The following TBC1D22A variants were observed in gnomAD, a reference collection of about 807,000 sequenced individuals.
The protein encoded by TBC1D22A is TBC1 domain family member 22A, also known as putative GTPase activator.
TBC1D22A carries 38 observed loss-of-function variants against 60.2 expected under a neutral mutation model. The ratio of observed to expected loss-of-function variants is 0.63; its 90% CI spans 0.49 to 0.83. The LOEUF (loss-of-function observed/expected upper bound fraction) is 0.83, where lower values mean the gene tolerates loss of function less well. Among genes scored for constraint, TBC1D22A ranks in the 40% least tolerant of loss-of-function variants. The pLI is 0.00. For synonymous variants in TBC1D22A, 302 were observed against 281.7 expected (o/e 1.07, Z -0.72); for missense variants, 628 against 701.0 (o/e 0.90, Z 1.18).
intron 12 of TBC1D22A, among the ~76,000 whole-genome samples, chr22:47,144,261 C>T (rs969105447): frequency 2.2e-4 from 34 of 152,228 alleles, no homozygotes; most frequent in African/African-American, 7.2e-4. Flanking sequence ...TGAGGACCAG[C>T]GGGTTTCTAG....
intron 1 of TBC1D22A, among the ~76,000 whole-genome samples, chr22:46,787,000 T>G (rs1016336585): frequency 6.6e-5 from 10 of 152,326 alleles, no homozygotes; most frequent in Admixed American, 6.5e-4. Context: ...ATTCAGCCTC[T>G]TTCCATGTTA....
intron 8 of TBC1D22A, among the ~76,000 whole-genome samples, chr22:46,971,423 G>C (rs58655701): frequency 1.3e-5 from 2 of 152,188 alleles, no homozygotes; most frequent in African/African-American, 4.8e-5. Context: ...AGGATACGTC[G>C]ATGGGAAACT....
At chr22:47,021,118 C>T (rs140405986) in intron 10 of TBC1D22A, among the ~76,000 whole-genome samples, 177 of 152,136 alleles carry the variant, frequency 1.2e-3, no homozygotes, top group African/African-American at 4.1e-3. Flanking sequence ...CTTTGTGAAG[C>T]CCTGAGCAGG....
chr22:47,008,950 C>G (rs746813402), intron 10 of TBC1D22A, among the ~76,000 whole-genome samples: 2 of 152,110 alleles, frequency 1.3e-5, no homozygotes, highest in Non-Finnish European at 2.9e-5. Flanking sequence ...GGTTTGGGGA[C>G]TAGTTTGTGG....
intron 5 of TBC1D22A, among the ~76,000 whole-genome samples, chr22:46,884,133 T>C (rs950008196): frequency 2.5e-4 from 38 of 151,976 alleles, no homozygotes; most frequent in African/African-American, 8.9e-4. Flanking sequence ...AGACAAACAA[T>C]ACACCGAGAA....
intron 4 of TBC1D22A, among the ~76,000 whole-genome samples, chr22:46,863,792 G>A (rs1251154891): frequency 6.6e-6 from 1 of 152,134 alleles, no homozygotes; most frequent in Non-Finnish European, 1.5e-5. Context: ...AGCCCGGGTT[G>A]CACCTGCTTC....
At chr22:47,086,956 A>C (rs1029236116) in intron 11 of TBC1D22A, among the ~76,000 whole-genome samples, 2 of 152,216 alleles carry the variant, frequency 1.3e-5, no homozygotes, top group Admixed American at 1.3e-4. Flanking sequence ...ATCAATGTGA[A>C]ACTGGCTGAA....
intron 1 of TBC1D22A, among the ~76,000 whole-genome samples, chr22:46,766,053 A>G (rs2083275359): frequency 6.7e-6 from 1 of 149,570 alleles, no homozygotes; most frequent in African/African-American, 2.5e-5. Context: ...GCTGGAGTGC[A>G]GTGGTGCGAT....
rs57116517 is a variant in TBC1D22A, at chr22:46,904,142, T to TCTATCTATCTGCCTACCTACCTAC, written c.901-7929_901-7928insTCTATCTGCCTACCTACCTACCTA. ...ATCTATCTATCTATCTATCTATCTATCTACCTACCTACCTACCTACCTACC... is the reference window on the plus strand; with the variant it reads ...ATCTATCTATCTATCTATCTATCTATCTATCTATCTGCCTACCTACCTACCTACCTACCTACCTACCTACCTACC... On this transcript the variant is annotated intron_variant, in intron 7 of 12. Coordinates refer to ENST00000337137, the MANE Select transcript of TBC1D22A (RefSeq NM_014346.5). 4.3e-3 allele frequency among the ~76,000 whole-genome samples: 578 copies of TCTATCTATCTGCCTACCTACCTAC among 134,566 alleles called. 5 individuals carry two copies. The highest frequency in any genetic ancestry group is 7.6e-3 in the African/African-American group (256 of 33,880). 88.3% of individuals were successfully genotyped at this position (134,566 alleles called of 152,430 possible).
At chr22:47,007,301 C>T (rs552221520) in intron 10 of TBC1D22A, among the ~76,000 whole-genome samples, 4 of 152,300 alleles carry the variant, frequency 2.6e-5, no homozygotes, top group African/African-American at 9.6e-5. Context: ...AGGCACAGAA[C>T]ATGTGTCCTG....
chr22:46,913,419 T>G, intron 8 of TBC1D22A: 1 of 1,366,218 alleles, frequency 7.3e-7, no homozygotes, highest in Non-Finnish European at 9.8e-7. Flanking sequence ...ATGAACAGAT[T>G]ATCCTCAGAA....
chr22:47,171,579 AC>A (rs2068454175), intron 12 of TBC1D22A, among the ~76,000 whole-genome samples: 1 of 151,530 alleles, frequency 6.6e-6, no homozygotes, highest in South Asian at 2.1e-4. Flanking sequence ...TCTTCTGAGA[AC>A]CCCCACTGCA....
intron 4 of TBC1D22A, among the ~76,000 whole-genome samples, chr22:46,806,318 A>G (rs1159682297): frequency 6.7e-6 from 1 of 150,260 alleles, no homozygotes; most frequent in African/African-American, 2.4e-5. Context: ...CATGGCATTT[A>G]GAATGAACCC....
Position 46,783,496 on chromosome 22 carries a change from C to T in TBC1D22A, c.63-9024C>T, listed in dbSNP as rs532492999. ...CATGGGAAAGAGGACAGCGCACACA[C>T]GCAGTTGATGCCGCTGTGGGGTCTT... On this transcript the variant is annotated intron_variant, in intron 1 of 12. Coordinates refer to ENST00000337137, the MANE Select transcript of TBC1D22A (RefSeq NM_014346.5). Among the ~76,000 whole-genome samples the T allele has an allele frequency of 3.9e-5, 6 of 152,348 alleles. No individual in the cohort carries two copies. The East Asian group carries it at 7.7e-4, about 20-fold the overall frequency.
At chr22:47,113,452 C>T (rs2065921008) in intron 12 of TBC1D22A, among the ~76,000 whole-genome samples, 1 of 152,052 alleles carries the variant, frequency 6.6e-6, no homozygotes, top group Non-Finnish European at 1.5e-5. Context: ...CGGGGTGTGC[C>T]TGAAGCTGCA....
intron 9 of TBC1D22A, among the ~76,000 whole-genome samples, chr22:46,974,810 C>T (rs771232523): frequency 6.6e-5 from 10 of 152,220 alleles, no homozygotes; most frequent in African/African-American, 1.4e-4. Flanking sequence ...TGTGAGCCCT[C>T]GCCTGCAGTA....
intron 12 of TBC1D22A, among the ~76,000 whole-genome samples, chr22:47,156,406 C>T (rs185004127): frequency 0.016 from 2,500 of 152,260 alleles, 24 homozygotes; most frequent in Middle Eastern, 0.044. Flanking sequence ...ATGGGGGAGG[C>T]GGCAGCCCTG....
At chr22:47,112,535 C>T (rs900633644) in intron 12 of TBC1D22A, among the ~76,000 whole-genome samples, 1 of 152,212 alleles carries the variant, frequency 6.6e-6, no homozygotes, top group East Asian at 1.9e-4. Flanking sequence ...CTATTCCTTC[C>T]GAGGGCCTTG....
intron 11 of TBC1D22A, among the ~76,000 whole-genome samples, chr22:47,102,119 G>A (rs941714340): frequency 6.6e-6 from 1 of 152,188 alleles, no homozygotes; most frequent in African/African-American, 2.4e-5. Context: ...GAACAGTCCT[G>A]AGTATCTGCT....
Sources: allele counts gnomAD v4.1 joint callset (sites outside exome capture counted in the v4.1 genomes callset), GRCh38; gene constraint gnomAD v4.1.1; transcripts MANE v1.5; gene names NCBI Gene and HGNC (gene_info 2026-07-23, HGNC 2026-07-21).